MYL1: variants seen among roughly 807,000 people sequenced by gnomAD.
MYL1 encodes the protein myosin light chain 1/3, skeletal muscle isoform.
A neutral mutation model predicts 21.8 loss-of-function variants in MYL1; 16 were observed. The observed-to-expected ratio is 0.74, with a 90% confidence interval of 0.50 to 1.12. MYL1 has a LOEUF of 1.12. MYL1 is among the 50% of genes most tolerant of loss of function. The pLI, the probability that MYL1 is intolerant of heterozygous loss-of-function variation, is 0.00. For synonymous variants in MYL1, 99 were observed against 85.2 expected (o/e 1.16, Z -0.89); for missense variants, 246 against 241.0 (o/e 1.02, Z -0.14).
chr2:210,290,701 C>T (rs1234526298), intron 6 of MYL1, among the ~76,000 whole-genome samples: 3 of 152,242 alleles, frequency 2.0e-5, no homozygotes, highest in East Asian at 1.9e-4. Flanking sequence ...ATCCAAAAAA[C>T]GTTTGCCTGT....
intron 2 of MYL1, among the ~76,000 whole-genome samples, chr2:210,298,968 G>A (rs895249341): frequency 6.6e-6 from 1 of 152,122 alleles, no homozygotes; most frequent in Non-Finnish European, 1.5e-5. Flanking sequence ...CAGGCTCATG[G>A]TATGTGAGGT....
chr2:210,305,048 A>G (rs1416547076), intron 1 of MYL1, among the ~76,000 whole-genome samples: 7 of 152,218 alleles, frequency 4.6e-5, no homozygotes, highest in Non-Finnish European at 1.0e-4. Flanking sequence ...CATAATGTAT[A>G]TTGGAGATTA....
intron 3 of MYL1, among the ~76,000 whole-genome samples, chr2:210,296,441 T>A (rs1004558947): frequency 6.6e-6 from 1 of 152,124 alleles, no homozygotes; most frequent in Non-Finnish European, 1.5e-5. Flanking sequence ...TCTTATTCCC[T>A]CCTCTCTTCG....
At chr2:210,305,077 C>T (rs1690319733) in intron 1 of MYL1, among the ~76,000 whole-genome samples, 1 of 152,186 alleles carries the variant, frequency 6.6e-6, no homozygotes, top group African/African-American at 2.4e-5. Context: ...TTGAGTACTG[C>T]TTCAGCAACT....
At chr2:210,304,491 A>C (rs898590348) in intron 1 of MYL1, among the ~76,000 whole-genome samples, 1 of 152,164 alleles carries the variant, frequency 6.6e-6, no homozygotes, top group African/African-American at 2.4e-5. Context: ...CCCTAGACCA[A>C]GAAGCCAAAA....
At chr2:210,311,389 T>C (rs970827773) in intron 1 of MYL1, among the ~76,000 whole-genome samples, 5 of 152,084 alleles carry the variant, frequency 3.3e-5, no homozygotes, top group African/African-American at 1.2e-4. Flanking sequence ...AAATTGAAAG[T>C]TTAAATCTTC....
chr2:210,298,112 A>G (rs1690205008), intron 3 of MYL1, among the ~76,000 whole-genome samples: 1 of 152,048 alleles, frequency 6.6e-6, no homozygotes, highest in African/African-American at 2.4e-5. Flanking sequence ...ATTAGGTATT[A>G]TTTCTAATAT....
At chr2:210,311,073 G>A (rs1462310968) in intron 1 of MYL1, among the ~76,000 whole-genome samples, 3 of 151,972 alleles carry the variant, frequency 2.0e-5, no homozygotes, top group Non-Finnish European at 4.4e-5. Context: ...GATTAAATAA[G>A]ATAACATGGC....
At chr2:210,292,142 C>G (rs1269989932) in intron 5 of MYL1, among the ~76,000 whole-genome samples, 4 of 152,176 alleles carry the variant, frequency 2.6e-5, no homozygotes. Flanking sequence ...GATCTTCACT[C>G]ACTGCAAACT....
rs1575700180 is a variant in MYL1 at position 210,290,219 on chromosome 2, A to T, written c.*263T>A. ...TGTTTGTTGATTCATGGTAGATAAT[A>T]AAGAATGGTGCTTGGATTTGAGATT... On this transcript the variant is annotated 3_prime_UTR_variant, in exon 7 of 7. Transcript: ENST00000352451. The T allele has an allele frequency of 1.3e-5, 2 of 152,178 alleles. No individual in the cohort carries two copies. Among genetic ancestry groups the T allele is most frequent in the African/African-American group, 4.8e-5 (2 of 41,456 alleles). 9.4% of individuals were successfully genotyped at this position (152,178 alleles called of 1,614,324 possible).
At chr2:210,297,484 T>C (rs1400279118) in intron 3 of MYL1, among the ~76,000 whole-genome samples, 8 of 151,712 alleles carry the variant, frequency 5.3e-5, no homozygotes, top group Non-Finnish European at 1.0e-4. Flanking sequence ...GTCTATTCAG[T>C]TCATTTGCCC....
At chr2:210,291,375 G>A (rs925282232) in intron 5 of MYL1, among the ~76,000 whole-genome samples, 1 of 152,114 alleles carries the variant, frequency 6.6e-6, no homozygotes, top group Non-Finnish European at 1.5e-5. Flanking sequence ...CAATCCTCCT[G>A]CTTTAGCCTC....
At chr2:210,299,934 C>G (rs1344950427) in intron 2 of MYL1, among the ~76,000 whole-genome samples, 1 of 152,008 alleles carries the variant, frequency 6.6e-6, no homozygotes, top group East Asian at 2.0e-4. Flanking sequence ...CCTCCCTCCC[C>G]TAATCTAACA....
At chr2:210,302,622 A>C in intron 1 of MYL1, 107 bp from the exon 2 acceptor site, 1 of 1,494,508 alleles carries the variant, frequency 6.7e-7, no homozygotes, top group East Asian at 2.4e-5. Context: ...GTAAGCTCCA[A>C]AAGTCAGCCT....
chr2:210,291,031 C>A lies in MYL1; in HGVS notation c.*14+1G>T, dbSNP rs2125737636. On this transcript the variant is annotated splice_donor_variant, in intron 6 of 6. Transcript: ENST00000352451. LOFTEE classifies it low-confidence loss of function (3UTR_SPLICE). Reference sequence around the variant, plus strand: ...ATATTAAAGAGGGAACTGGTATATACCTTGAGAGCTCCATTCAGATAGACA... The same window carrying A: ...ATATTAAAGAGGGAACTGGTATATAACTTGAGAGCTCCATTCAGATAGACA... 1 of 1,600,824 alleles carries A rather than the reference C, an allele frequency of 6.2e-7. No individual in the cohort carries two copies. The highest frequency in any genetic ancestry group is 8.5e-7 in the Non-Finnish European group (1 of 1,170,128).
intron 1 of MYL1, among the ~76,000 whole-genome samples, chr2:210,314,315 C>T (rs1559664974): frequency 6.6e-6 from 1 of 152,110 alleles, no homozygotes; most frequent in African/African-American, 2.4e-5. Context: ...CAGTTACAGT[C>T]ACTGAAACAC....
intron 1 of MYL1, among the ~76,000 whole-genome samples, chr2:210,309,099 T>C (rs1028159799): frequency 3.9e-5 from 6 of 152,190 alleles, no homozygotes; most frequent in South Asian, 4.1e-4. Flanking sequence ...ATCTAGGCTA[T>C]AGTTTCTTCA....
intron 2 of MYL1, 79 bp from the exon 3 acceptor site, chr2:210,298,642 G>T: frequency 1.1e-5 from 16 of 1,504,618 alleles, no homozygotes; most frequent in Non-Finnish European, 1.4e-5. Context: ...CAAAAATTCA[G>T]TTCAAACTCT....
intron 3 of MYL1, 109 bp downstream of exon 3, chr2:210,298,311 C>G (rs1458459765): frequency 1.6e-6 from 2 of 1,245,614 alleles, no homozygotes. Context: ...CTCTCTCACA[C>G]ACACACATAC....
Sources: allele counts gnomAD v4.1 joint callset (sites outside exome capture counted in the v4.1 genomes callset), GRCh38; gene constraint gnomAD v4.1.1; transcripts MANE v1.5; gene names NCBI Gene and HGNC (gene_info 2026-07-23, HGNC 2026-07-21).